Variants in PDLIM5 observed in about 807,000 individuals in gnomAD.
PDLIM5 encodes PDZ and LIM domain protein 5.
In PDLIM5, 34 loss-of-function variants were observed where a neutral mutation model predicts 64.2. The observed-to-expected ratio is 0.53, with a 90% CI of 0.40 to 0.71. The LOEUF (loss-of-function observed/expected upper bound fraction) is 0.71, where lower values mean the gene tolerates loss of function less well. Among genes scored for constraint, PDLIM5 ranks in the 30% least tolerant of loss-of-function variants. The pLI is 0.00. For missense variants in PDLIM5, 683 were observed against 733.6 expected, an observed-to-expected ratio of 0.93 and a Z score of 0.80; for synonymous variants, 253 against 269.1, an observed-to-expected ratio of 0.94 and a Z score of 0.59.
chr4:94,559,498 C>T (rs1733654465), intron 3 of PDLIM5, among the ~76,000 whole-genome samples: 1 of 152,194 alleles, frequency 6.6e-6, no homozygotes, highest in South Asian at 2.1e-4. Flanking sequence ...ACTAAAGCAT[C>T]AGCATATGCC....
intron 6 of PDLIM5, among the ~76,000 whole-genome samples, chr4:94,585,951 C>T (rs1003794321): frequency 6.6e-6 from 1 of 152,158 alleles, no homozygotes; most frequent in Non-Finnish European, 1.5e-5. Flanking sequence ...GCAGGCAGAT[C>T]ATGAGGTCAT....
intron 3 of PDLIM5, among the ~76,000 whole-genome samples, chr4:94,525,127 G>A (rs1023595476): frequency 6.6e-6 from 1 of 151,864 alleles, no homozygotes; most frequent in Admixed American, 6.6e-5. Flanking sequence ...GAATCTTTAA[G>A]AGGGAAATAG....
At chr4:94,517,021 A>G (rs1209603793) in intron 2 of PDLIM5, among the ~76,000 whole-genome samples, 1 of 152,242 alleles carries the variant, frequency 6.6e-6, no homozygotes, top group African/African-American at 2.4e-5. Context: ...CACTAGGATG[A>G]TAATAAACCA....
At chr4:94,476,458 A>G (rs761587836) in intron 2 of PDLIM5, among the ~76,000 whole-genome samples, 2 of 152,202 alleles carry the variant, frequency 1.3e-5, no homozygotes, top group Non-Finnish European at 2.9e-5. Context: ...GAAACTGCAT[A>G]GGAAACAATG....
At chr4:94,618,465 A>G (rs7435766) in intron 8 of PDLIM5, among the ~76,000 whole-genome samples, 1 of 152,224 alleles carries the variant, frequency 6.6e-6, no homozygotes, top group Non-Finnish European at 1.5e-5. Context: ...GTTAAATTGT[A>G]AATTTGGGTC....
rs1194473566 is a variant in PDLIM5 at position 94,654,630 on chromosome 4, AG to A, written c.1455del (p.Ile486SerfsTer9). ...CCTGAATGTGGTCGATGCCAAAGGA[AG>A]ATCCTTGGAGTAAGTATTGGAAACG... is the stretch of plus-strand genomic sequence containing the variant. ...FAPECGRCQR[K>X]ILGEVISALK... On this transcript the variant is annotated frameshift_variant, in exon 10 of 13. Coordinates refer to ENST00000317968, the MANE Select transcript of PDLIM5 (RefSeq NM_006457.5). LOFTEE classifies it high-confidence loss of function. 1.9e-6 allele frequency: 3 copies of A among 1,601,768 alleles called. No individual in the cohort carries two copies. The African/African-American group carries it at 4.0e-5, about 21-fold the overall frequency.
intron 7 of PDLIM5, among the ~76,000 whole-genome samples, chr4:94,599,882 T>C (rs533465947): frequency 5.2e-4 from 79 of 152,134 alleles, no homozygotes; most frequent in Admixed American, 1.1e-3. Context: ...TTTATAAGAA[T>C]AAGGCATATG....
intron 3 of PDLIM5, among the ~76,000 whole-genome samples, chr4:94,550,741 A>C (rs1312136188): frequency 6.6e-6 from 1 of 152,138 alleles, no homozygotes; most frequent in East Asian, 1.9e-4. Flanking sequence ...AGCAAAAGGG[A>C]ATAGTTCTGA....
At chr4:94,507,785 T>C (rs1275927809) in intron 2 of PDLIM5, among the ~76,000 whole-genome samples, 1 of 152,208 alleles carries the variant, frequency 6.6e-6, no homozygotes, top group Admixed American at 6.5e-5. Flanking sequence ...GCTGTTACTT[T>C]GAAGGGCAGA....
intron 7 of PDLIM5, chr4:94,610,339 T>A (rs1157161020): frequency 7.2e-7 from 1 of 1,380,090 alleles, no homozygotes; most frequent in East Asian, 2.7e-5. Context: ...TCTGATGTGA[T>A]CTCAGCGCTC....
intron 10 of PDLIM5, among the ~76,000 whole-genome samples, chr4:94,654,871 G>C (rs1433364993): frequency 2.6e-5 from 4 of 152,110 alleles, no homozygotes; most frequent in African/African-American, 4.8e-5. Flanking sequence ...GGCTTGTCTG[G>C]TGAAAGTCTA....
intron 2 of PDLIM5, among the ~76,000 whole-genome samples, chr4:94,475,122 A>G (rs1725210381): frequency 6.6e-6 from 1 of 151,916 alleles, no homozygotes; most frequent in Non-Finnish European, 1.5e-5. Context: ...CTTTGGGTCA[A>G]TGAAACTTCT....
chr4:94,548,309 A>G (rs1732502095), intron 3 of PDLIM5, among the ~76,000 whole-genome samples: 1 of 152,194 alleles, frequency 6.6e-6, no homozygotes, highest in Admixed American at 6.5e-5. Context: ...ATTCATTCCA[A>G]ACTCTAAGCC....
rs758923798 is a variant in PDLIM5 at position 94,575,849 on chromosome 4, T to C, written c.525T>C (p.Ala175=). The C allele has an allele frequency of 1.2e-6, 2 of 1,614,110 alleles. No homozygotes were observed. The highest frequency in any genetic ancestry group is 2.7e-5 in the African/African-American group (2 of 74,940). Residue 175 remains alanine, a synonymous_variant, in exon 5 of 13, where the codon GCT becomes GCC. Coordinates refer to ENST00000317968, the MANE Select transcript of PDLIM5 (RefSeq NM_006457.5). ...PVAAVTPPLF[A]ASGLHANANL... ...CTGCCGTCACTCCTCCCCTGTTCGCTGCATCTGGACTGCATGCTAATGCCA... is the reference window on the plus strand; with the variant it reads ...CTGCCGTCACTCCTCCCCTGTTCGCCGCATCTGGACTGCATGCTAATGCCA...
At chr4:94,557,221 T>A (rs1373667729) in intron 3 of PDLIM5, among the ~76,000 whole-genome samples, 1 of 152,140 alleles carries the variant, frequency 6.6e-6, no homozygotes, top group Non-Finnish European at 1.5e-5. Context: ...GTTGTAGATG[T>A]GTGGTATTAT....
At chr4:94,523,489 C>T (rs1242183882) in intron 2 of PDLIM5, among the ~76,000 whole-genome samples, 1 of 151,972 alleles carries the variant, frequency 6.6e-6, no homozygotes, top group Non-Finnish European at 1.5e-5. Flanking sequence ...GGGAATCTTT[C>T]TCAGAAAATT....
intron 2 of PDLIM5, chr4:94,456,139 T>C: frequency 1.9e-6 from 1 of 538,610 alleles, no homozygotes; most frequent in Non-Finnish European, 3.0e-6. Flanking sequence ...AAAGGTTTGT[T>C]TTTGCATATT....
intron 3 of PDLIM5, among the ~76,000 whole-genome samples, chr4:94,533,681 T>TTG (rs1184077838): frequency 8.5e-5 from 13 of 152,236 alleles, no homozygotes; most frequent in Admixed American, 7.2e-4. Context: ...ATAGCCTATG[T>TTG]AAAGAACCTA....
chr4:94,525,156 C>T lies in PDLIM5; in HGVS notation c.248+1281C>T, dbSNP rs542623933. On this transcript the variant is annotated intron_variant, in intron 3 of 12. Coordinates refer to ENST00000317968, the MANE Select transcript of PDLIM5 (RefSeq NM_006457.5). Reference sequence around the variant, plus strand: ...GAAATAGGCTGGGCGCTGTGGCTCACGCCTGTAATCCCAGTACTTTGGGAG... The same window carrying T: ...GAAATAGGCTGGGCGCTGTGGCTCATGCCTGTAATCCCAGTACTTTGGGAG... 5.3e-5 allele frequency among the ~76,000 whole-genome samples: 8 copies of T among 152,194 alleles called. No individual in the cohort carries two copies. The East Asian group carries it at 1.5e-3, about 29-fold the overall frequency.
Sources: gnomAD v4.1 joint callset for allele counts (sites outside exome capture counted in the v4.1 genomes callset) on GRCh38, gnomAD v4.1.1 for gene constraint, MANE v1.5 for transcripts, NCBI Gene and HGNC (gene_info 2026-07-23, HGNC 2026-07-21) for gene names.